Variants in ITGA9 observed in about 807,000 individuals in gnomAD.
ITGA9 encodes the protein integrin subunit alpha 9, also known as integrin alpha-9.
A neutral mutation model predicts 127.8 loss-of-function variants in ITGA9; 56 were observed. The ratio of observed to expected loss-of-function variants is 0.44; its 90% CI spans 0.35 to 0.55. The LOEUF (loss-of-function observed/expected upper bound fraction) is 0.55. Ranked by LOEUF, ITGA9 falls within the 20% of genes least tolerant of loss-of-function variation. ITGA9 has a pLI of 0.00. For synonymous variants in ITGA9, 508 were observed against 514.5 expected, an observed-to-expected ratio of 0.99 and a Z score of 0.17; for missense variants, 1,196 against 1,347.1, an observed-to-expected ratio of 0.89 and a Z score of 1.76.
At chr3:37,458,107 T>C (rs1337541337) in intron 1 of ITGA9, among the ~76,000 whole-genome samples, 1 of 152,262 alleles carries the variant, frequency 6.6e-6, no homozygotes, top group African/African-American at 2.4e-5. Context: ...ATGAATTTCG[T>C]CAGATAGTAT....
chr3:37,789,131 C>G (rs1005824757), intron 26 of ITGA9, among the ~76,000 whole-genome samples: 1 of 152,108 alleles, frequency 6.6e-6, no homozygotes, highest in South Asian at 2.1e-4. Context: ...ACCTTGCTAT[C>G]GAGTCTCTTT....
rs1316931527 is a variant in ITGA9 at position 37,520,616 on chromosome 3, T to G, written c.1236+1262T>G. Among the ~76,000 whole-genome samples the G allele has an allele frequency of 3.9e-5, 6 of 152,332 alleles. No homozygotes were observed. The South Asian group carries it at 6.2e-4, about 16-fold the overall frequency. ...TGAGGCATACATAGTCTGAGGGGCA[T>G]TTATCTATCCAGACCATCCTCTTTT... On this transcript the variant is annotated intron_variant, in intron 11 of 27. Coordinates refer to ENST00000264741, the MANE Select transcript of ITGA9 (RefSeq NM_002207.3).
intron 13 of ITGA9, among the ~76,000 whole-genome samples, chr3:37,527,055 C>T (rs1314732505): frequency 6.6e-6 from 1 of 152,264 alleles, no homozygotes; most frequent in African/African-American, 2.4e-5. Context: ...CCAGCCCTGA[C>T]TCTGCCCTTA....
In ITGA9 at chr3:37,703,063, A is replaced by G. The variant is rs1700964930; in HGVS notation, c.2067+19048A>G. ...GGTCTCCCTGGGGACATATTTGAAC[A>G]TATTTTACTCATAAATTCTCATCTC... On this transcript the variant is annotated intron_variant, in intron 18 of 27. Coordinates refer to ENST00000264741, the MANE Select transcript of ITGA9 (RefSeq NM_002207.3). Among the ~76,000 whole-genome samples the G allele has an allele frequency of 2.0e-5, 3 of 152,138 alleles. No homozygotes were observed. In the South Asian group the frequency reaches 6.2e-4, roughly 32 times the overall value.
In ITGA9 at chr3:37,799,096, G is replaced by A. The variant is rs939379746; in HGVS notation, c.2890-4727G>A. 7.9e-5 allele frequency among the ~76,000 whole-genome samples: 12 copies of A among 152,090 alleles called. No homozygotes were observed. Among genetic ancestry groups the A allele is most frequent in the African/African-American group, 1.2e-4 (5 of 41,412 alleles). On this transcript the variant is annotated intron_variant, in intron 26 of 27. Coordinates refer to ENST00000264741, the MANE Select transcript of ITGA9 (RefSeq NM_002207.3). This position sits in a 1 kb window ranked among gnomAD's most constrained non-coding sequence, Gnocchi z 4.0. ...CATCTTTGAGCATAAAACTTTTTCC[G>A]TATTTTATATTTATTTCCTTTGAGT...
chr3:37,631,905 T>A (rs1700233128), intron 16 of ITGA9, among the ~76,000 whole-genome samples: 1 of 152,226 alleles, frequency 6.6e-6, no homozygotes, highest in African/African-American at 2.4e-5. Context: ...TTAAATAAAC[T>A]GTTTAAGATA....
intron 17 of ITGA9, among the ~76,000 whole-genome samples, chr3:37,681,544 A>G (rs940585389): frequency 8.5e-5 from 13 of 152,212 alleles, no homozygotes; most frequent in African/African-American, 1.4e-4. Context: ...CGCCCCACCT[A>G]TCTTGAGATT....
chr3:37,748,688 C>T (rs1696539411), intron 22 of ITGA9: 1 of 531,744 alleles, frequency 1.9e-6, no homozygotes, highest in Non-Finnish European at 3.3e-6. Context: ...GTGGAAGTTG[C>T]AGTGAGCCGA....
intron 27 of ITGA9, among the ~76,000 whole-genome samples, chr3:37,816,800 T>G (rs962490539): frequency 3.3e-5 from 5 of 152,148 alleles, no homozygotes; most frequent in African/African-American, 9.7e-5. Context: ...CAATATCTGT[T>G]TACAAAACTG....
At chr3:37,488,772 T>TG (rs542371809) in intron 4 of ITGA9, among the ~76,000 whole-genome samples, 209 of 151,434 alleles carry the variant, frequency 1.4e-3, no homozygotes, top group African/African-American at 4.7e-3. Context: ...CACTCCAGTC[T>TG]GGGTGACAGA....
chr3:37,798,134 T>C (rs1697196327), intron 26 of ITGA9, among the ~76,000 whole-genome samples: 2 of 152,072 alleles, frequency 1.3e-5, no homozygotes, highest in African/African-American at 4.8e-5. Context: ...GGGACGACAG[T>C]TGCATGCCAC....
chr3:37,674,438 C>T (rs1700663559), intron 17 of ITGA9, among the ~76,000 whole-genome samples: 1 of 152,174 alleles, frequency 6.6e-6, no homozygotes, highest in Non-Finnish European at 1.5e-5. Context: ...GGAGTGCATG[C>T]CCTATAGACA....
intron 23 of ITGA9, among the ~76,000 whole-genome samples, chr3:37,755,989 A>C (rs1235030336): frequency 6.6e-6 from 1 of 151,352 alleles, no homozygotes; most frequent in Non-Finnish European, 1.5e-5. Context: ...TGAAGAAAAA[A>C]ATAAATGTAT....
intron 18 of ITGA9, among the ~76,000 whole-genome samples, chr3:37,707,790 G>T (rs1701023361): frequency 6.6e-6 from 1 of 152,090 alleles, no homozygotes; most frequent in African/African-American, 2.4e-5. Flanking sequence ...ACTTCTCCTT[G>T]GGGCTTTAAC....
At position 37,597,843 on chromosome 3, in the gene ITGA9, G is replaced by T. The variant is rs1699883337; in HGVS notation, c.1690-31344G>T. 6.6e-6 allele frequency among the ~76,000 whole-genome samples: 1 copy of T among 152,174 alleles called. No individual in the cohort carries two copies. The highest frequency in any genetic ancestry group is 1.5e-5 in the Non-Finnish European group (1 of 68,038). Reference sequence around the variant, plus strand: ...ATAGCTAGGGGTCAGCTAGCTGTTGGTTATCTAGACTGGCATTGGCTGGGG... The same window carrying T: ...ATAGCTAGGGGTCAGCTAGCTGTTGTTTATCTAGACTGGCATTGGCTGGGG... On this transcript the variant is annotated intron_variant, in intron 15 of 27. Coordinates refer to ENST00000264741, the MANE Select transcript of ITGA9 (RefSeq NM_002207.3). The surrounding 1 kb of genome is among the most constrained non-coding windows in gnomAD (Gnocchi z 4.6).
intron 23 of ITGA9, among the ~76,000 whole-genome samples, chr3:37,772,230 A>G (rs1696853341): frequency 6.6e-6 from 1 of 151,866 alleles, no homozygotes; most frequent in Non-Finnish European, 1.5e-5. Flanking sequence ...ATATGGTGAA[A>G]CCCCATCTCT....
chr3:37,546,600 A>G (rs9861428), intron 15 of ITGA9, among the ~76,000 whole-genome samples: 5,481 of 152,266 alleles, frequency 0.036, 310 homozygotes, highest in African/African-American at 0.12. Flanking sequence ...TGCCACTGTC[A>G]TCTTCCTGAC....
chr3:37,574,834 G>A (rs1485770289), intron 15 of ITGA9, among the ~76,000 whole-genome samples: 1 of 152,154 alleles, frequency 6.6e-6, no homozygotes, highest in African/African-American at 2.4e-5. Flanking sequence ...CACACTGGGA[G>A]AGCAGGTCCA....
intron 25 of ITGA9, among the ~76,000 whole-genome samples, chr3:37,781,059 A>T (rs992290594): frequency 2.0e-5 from 3 of 152,244 alleles, no homozygotes; most frequent in African/African-American, 7.2e-5. Flanking sequence ...ATAAATCGGC[A>T]TCTTCATTTT....
Sources: allele counts gnomAD v4.1 joint callset (sites outside exome capture counted in the v4.1 genomes callset), GRCh38; gene constraint gnomAD v4.1.1; non-coding constraint Gnocchi (gnomAD v3.1); transcripts MANE v1.5; gene names NCBI Gene and HGNC (gene_info 2026-07-23, HGNC 2026-07-21).